The following PPM1H variants were observed in gnomAD, a reference collection of about 807,000 sequenced individuals.
The protein encoded by PPM1H is protein phosphatase, Mg2+/Mn2+ dependent 1H.
Under a neutral mutation model 54.9 loss-of-function variants are expected in PPM1H, and 27 were observed. The ratio of observed to expected loss-of-function variants is 0.49; its 90% CI spans 0.36 to 0.68. PPM1H has a LOEUF of 0.68. Among genes scored for constraint, PPM1H ranks in the 30% least tolerant of loss-of-function variants. PPM1H has a pLI of 0.00. For synonymous variants in PPM1H, 305 were observed against 270.8 expected, an observed-to-expected ratio of 1.13 and a Z score of -1.24; for missense variants, 596 against 667.8, an observed-to-expected ratio of 0.89 and a Z score of 1.19.
chr12:62,723,523 G>C (rs535720239), intron 5 of PPM1H, among the ~76,000 whole-genome samples: 3 of 152,274 alleles, frequency 2.0e-5, no homozygotes, highest in East Asian at 3.9e-4. Flanking sequence ...GAGCCCTCGT[G>C]AATTAATGCT....
At chr12:62,753,945 T>C (rs1476750697) in intron 4 of PPM1H, among the ~76,000 whole-genome samples, 1 of 152,204 alleles carries the variant, frequency 6.6e-6, no homozygotes, top group African/African-American at 2.4e-5. Context: ...ATCACCAGGA[T>C]TAGAAGTATT....
chr12:62,808,089 C>T (rs532858962), intron 2 of PPM1H, among the ~76,000 whole-genome samples: 2 of 152,312 alleles, frequency 1.3e-5, no homozygotes, highest in Admixed American at 6.5e-5. Context: ...GCCTTAGCCT[C>T]CAAAAGTGCT....
chr12:62,664,031 G>A (rs345947), intron 9 of PPM1H, among the ~76,000 whole-genome samples: 39,687 of 151,246 alleles, frequency 0.26, 6,401 homozygotes, highest in Middle Eastern at 0.41. Context: ...ACATTTATGC[G>A]AAGAATATAG....
intron 6 of PPM1H, among the ~76,000 whole-genome samples, chr12:62,701,682 T>C (rs574839377): frequency 7.3e-6 from 1 of 137,328 alleles, no homozygotes. Context: ...GTTTGTTTGT[T>C]TTTTTTTTTT....
At position 62,871,465 on chromosome 12, in the gene PPM1H, G is replaced by A. The variant is rs190513468; in HGVS notation, c.246-39186C>T. Among the ~76,000 whole-genome samples the A allele has an allele frequency of 4.4e-3, 663 of 151,692 alleles. 14 individuals carry two copies. Among genetic ancestry groups the A allele is most frequent in the African/African-American group, 0.015 (635 of 41,366 alleles). ...AAAAAGTTCTAGAATTAGTGGTAGT[G>A]GTTAGACAACCTTGTGAATATATTG... On this transcript the variant is annotated intron_variant, in intron 1 of 9. Coordinates refer to ENST00000228705, the MANE Select transcript of PPM1H (RefSeq NM_020700.2).
At chr12:62,713,152 GT>G (rs2076216631) in intron 6 of PPM1H, among the ~76,000 whole-genome samples, 1 of 152,196 alleles carries the variant, frequency 6.6e-6, no homozygotes, top group Non-Finnish European at 1.5e-5. Flanking sequence ...CGTTTGGATG[GT>G]TGGTGAGAAG....
intron 1 of PPM1H, among the ~76,000 whole-genome samples, chr12:62,872,379 C>A (rs1870018067): frequency 1.3e-5 from 2 of 152,112 alleles, no homozygotes; most frequent in Non-Finnish European, 2.9e-5. Context: ...GTTCTTGATT[C>A]TAAGATCTAC....
Position 62,934,927 on chromosome 12 carries a change from C to A in PPM1H, c.-191G>T. 2.7e-6 allele frequency: 1 copy of A among 372,302 alleles called. No homozygotes were observed. Among genetic ancestry groups the A allele is most frequent in the Non-Finnish European group, 4.4e-6 (1 of 229,876 alleles). The allele number at this position is 372,302 out of a possible 1,614,324, so 23.1% of individuals were successfully genotyped here. On this transcript the variant is annotated 5_prime_UTR_variant, in exon 1 of 10. Coordinates refer to ENST00000228705, the MANE Select transcript of PPM1H (RefSeq NM_020700.2). This position sits in a 1 kb window ranked among gnomAD's most constrained non-coding sequence, Gnocchi z 4.2. Reference sequence around the variant, plus strand: ...CCCCGGCCTCTCGTGCTTAGTGCCGCGGTGGCCGCCGCCTCCCCCCGCTAC... The same window carrying A: ...CCCCGGCCTCTCGTGCTTAGTGCCGAGGTGGCCGCCGCCTCCCCCCGCTAC...
At chr12:62,919,749 C>T (rs1258125507) in intron 1 of PPM1H, among the ~76,000 whole-genome samples, 1 of 152,058 alleles carries the variant, frequency 6.6e-6, no homozygotes, top group East Asian at 1.9e-4. Flanking sequence ...TCATGGAGCC[C>T]AGAACCAGAT....
intron 1 of PPM1H, among the ~76,000 whole-genome samples, chr12:62,900,422 A>T (rs1338131323): frequency 6.6e-6 from 1 of 151,958 alleles, no homozygotes; most frequent in African/African-American, 2.4e-5. Context: ...GTATTAGGAG[A>T]TATACCTAAT....
At chr12:62,804,769 A>G (rs1703869) in intron 2 of PPM1H, among the ~76,000 whole-genome samples, 55,390 of 140,030 alleles carry the variant, frequency 0.4, 12,533 homozygotes, top group African/African-American at 0.65. Flanking sequence ...TCCGCCTCCC[A>G]GGTTCACGCC....
chr12:62,862,047 T>A (rs1869621002), intron 1 of PPM1H, among the ~76,000 whole-genome samples: 1 of 152,234 alleles, frequency 6.6e-6, no homozygotes, highest in South Asian at 2.1e-4. Context: ...TTTCCTGTGT[T>A]ACCCTAAAGC....
chr12:62,846,780 T>C (rs1331063205), intron 1 of PPM1H, among the ~76,000 whole-genome samples: 1 of 152,182 alleles, frequency 6.6e-6, no homozygotes, highest in Non-Finnish European at 1.5e-5. Flanking sequence ...CTATTTTGCA[T>C]GCACTTTATT....
Position 62,755,914 on chromosome 12 carries a change from T to C in PPM1H, c.870-18328A>G, listed in dbSNP as rs576858375. 8.9e-6 allele frequency: 7 copies of C among 787,270 alleles called. No homozygotes were observed. In the East Asian group the frequency reaches 1.8e-4, roughly 20 times the overall value. The allele number at this position is 787,270 out of a possible 1,614,324, so 48.8% of individuals were successfully genotyped here. On this transcript the variant is annotated intron_variant, in intron 4 of 9. Coordinates refer to ENST00000228705, the MANE Select transcript of PPM1H (RefSeq NM_020700.2). ...TCCCTGAGCTAAATGGGAAGTTCAC[T>C]GGCATGGCCTTCTGTGTCCCTACTG...
intron 4 of PPM1H, among the ~76,000 whole-genome samples, chr12:62,746,327 T>G (rs1293597652): frequency 1.3e-5 from 2 of 152,230 alleles, no homozygotes; most frequent in Admixed American, 6.5e-5. Context: ...GCCCACAGGC[T>G]CTGACAGTAT....
chr12:62,811,476 G>A (rs1259962132), intron 2 of PPM1H, among the ~76,000 whole-genome samples: 2 of 152,140 alleles, frequency 1.3e-5, no homozygotes, highest in African/African-American at 4.8e-5. Context: ...AACTCCTGTT[G>A]CTTCTGTTCA....
Position 62,835,019 on chromosome 12 carries a change from G to A in PPM1H, c.246-2740C>T, listed in dbSNP as rs554255485. ...CTGTCATCCGTACAAGATCCTGGAT[G>A]CTATTTCCAGAACTTGGCATCACTC... On this transcript the variant is annotated intron_variant, in intron 1 of 9. Transcript: ENST00000228705. Among the ~76,000 whole-genome samples, 380 of 152,260 alleles carry A rather than the reference G, an allele frequency of 2.5e-3. 3 individuals are homozygous for A. The highest frequency in any genetic ancestry group is 3.7e-3 in the Non-Finnish European group (254 of 68,024).
chr12:62,817,116 T>TAA (rs1189819660), intron 2 of PPM1H, among the ~76,000 whole-genome samples: 46 of 41,734 alleles, frequency 1.1e-3, no homozygotes, highest in African/African-American at 1.9e-3. Flanking sequence ...ACTGCATTAC[T>TAA]AAAAAAAAAA....
chr12:62,705,548 T>C (rs578199794), intron 6 of PPM1H, among the ~76,000 whole-genome samples: 1 of 152,328 alleles, frequency 6.6e-6, no homozygotes, highest in South Asian at 2.1e-4. Context: ...CATGTGTATG[T>C]ATAAAACAGA....
Sources: allele counts gnomAD v4.1 joint callset (sites outside exome capture counted in the v4.1 genomes callset), GRCh38; gene constraint gnomAD v4.1.1; non-coding constraint Gnocchi (gnomAD v3.1); transcripts MANE v1.5; gene names NCBI Gene and HGNC (gene_info 2026-07-23, HGNC 2026-07-21).